SMYD4: variants seen among roughly 807,000 people sequenced by gnomAD.
SMYD4 encodes the protein SET and MYND domain containing 4.
SMYD4 carries 68 observed loss-of-function variants against 72.8 expected under a neutral mutation model. The ratio of observed to expected loss-of-function variants is 0.93; its 90% CI spans 0.77 to 1.14. SMYD4 has a LOEUF of 1.14. SMYD4 is among the 50% of genes most tolerant of loss of function. The pLI is 0.00. For synonymous variants in SMYD4, 407 were observed against 388.6 expected, an observed-to-expected ratio of 1.05 and a Z score of -0.56; for missense variants, 984 against 1,003.7, an observed-to-expected ratio of 0.98 and a Z score of 0.27.
chr17:1,781,628 G>T (rs1908369436), intron 10 of SMYD4, 189 bp from the exon 11 acceptor site: 1 of 507,684 alleles, frequency 2.0e-6, no homozygotes, highest in Non-Finnish European at 3.2e-6. Context: ...AGTTATAAAA[G>T]ATAGTATAGA....
At position 1,821,255 on chromosome 17, in the gene SMYD4, C is replaced by G. The variant is rs149475020; in HGVS notation, c.134+6606G>C. 9.4e-3 allele frequency among the ~76,000 whole-genome samples: 1,429 copies of G among 152,308 alleles called. 82 individuals carry two copies. Among genetic ancestry groups the G allele is most frequent in the Admixed American group, 0.083 (1,264 of 15,290 alleles). Reference sequence around the variant, plus strand: ...ATAGGCCGGGCAAGGGGGTTCACGCCTGTCATCCCAGCACTTTGGGAGGCC... The same window carrying G: ...ATAGGCCGGGCAAGGGGGTTCACGCGTGTCATCCCAGCACTTTGGGAGGCC... On this transcript the variant is annotated intron_variant, in intron 2 of 10. Coordinates refer to ENST00000305513, the MANE Select transcript of SMYD4 (RefSeq NM_052928.3).
chr17:1,800,581 T>C lies in SMYD4; in HGVS notation c.813A>G (p.Pro271=), dbSNP rs752116046. The C allele has an allele frequency of 6.2e-7, 1 of 1,614,140 alleles. No homozygotes were observed. The highest frequency in any genetic ancestry group is 1.1e-5 in the South Asian group (1 of 91,084). The change falls in exon 5 of 11, where the codon CCA becomes CCG. Residue 271 remains proline (P), a synonymous_variant. Coordinates refer to ENST00000305513, the MANE Select transcript of SMYD4 (RefSeq NM_052928.3). ...CGTGATGCGGTGGTGGCAGTTCTCC[T>C]GGGTTGAGAACACTCACAAAAGCAT... The part of the protein sequence containing the change: ...QEDAFVSVLN[P]GELPPPHHGL...
chr17:1,781,675 C>CTTT (rs887814604), intron 10 of SMYD4: 15 of 184,350 alleles, frequency 8.1e-5, no homozygotes, highest in African/African-American at 1.8e-4. Flanking sequence ...AATCTCAAAG[C>CTTT]TTTTTTTTTT....
At chr17:1,823,464 C>A (rs115856819) in intron 2 of SMYD4, among the ~76,000 whole-genome samples, 1,675 of 146,162 alleles carry the variant, frequency 0.011, 37 homozygotes, top group African/African-American at 0.039. Context: ...GAAATGCACA[C>A]AAAATACCCA....
chr17:1,800,334 A>G lies in SMYD4; in HGVS notation c.1060T>C (p.Leu354=). 1 of 1,614,074 alleles carries G rather than the reference A, an allele frequency of 6.2e-7. No homozygotes were observed. Among genetic ancestry groups the G allele is most frequent in the Middle Eastern group, 1.6e-4 (1 of 6,062 alleles). Residue 354 remains leucine, a synonymous_variant, in exon 5 of 11, where the codon TTG becomes CTG. Transcript: ENST00000305513. ...LGVFCHIALR[L]TLLVGFEDVR... ...TCCTCAAATCCCACCAAAAGAGTCA[A>G]CCTCAGGGCAATGTGGCAAAAGACA... is the stretch of plus-strand genomic sequence containing the variant.
chr17:1,793,361 T>C (rs188918439), intron 5 of SMYD4, among the ~76,000 whole-genome samples: 26 of 152,288 alleles, frequency 1.7e-4, no homozygotes, highest in African/African-American at 5.8e-4. Context: ...TTGTTCACAA[T>C]TCTGTACCCC....
Position 1,816,663 on chromosome 17 carries a change from G to T in SMYD4, c.135-4548C>A, listed in dbSNP as rs183989426. ...TTTTTAAGAGATGGAGTCTCCCTTTGTCGCCCAGGCTGGAGGGCAGTAGCT... is the reference window on the plus strand; with the variant it reads ...TTTTTAAGAGATGGAGTCTCCCTTTTTCGCCCAGGCTGGAGGGCAGTAGCT... On this transcript the variant is annotated intron_variant, in intron 2 of 10. Coordinates refer to ENST00000305513, the MANE Select transcript of SMYD4 (RefSeq NM_052928.3). Among the ~76,000 whole-genome samples the T allele has an allele frequency of 2.3e-4, 35 of 151,308 alleles. No individual in the cohort carries two copies. In the East Asian group the frequency reaches 6.5e-3, roughly 28 times the overall value.
At chr17:1,801,735 A>G (rs891220566) in intron 4 of SMYD4, among the ~76,000 whole-genome samples, 7 of 149,572 alleles carry the variant, frequency 4.7e-5, no homozygotes, top group African/African-American at 1.5e-4. Context: ...CCAGCACTTT[A>G]GGAGGCCGAG....
At position 1,826,357 on chromosome 17, in the gene SMYD4, T is replaced by A. The variant is rs1911167886; in HGVS notation, c.134+1504A>T. ...AAAATACAAAATTAGCCGGGTATGG[T>A]GGAATGCGCCTGCAATCCCAGCTAC... On this transcript the variant is annotated intron_variant, in intron 2 of 10. Transcript: ENST00000305513. Among the ~76,000 whole-genome samples the A allele has an allele frequency of 4.6e-5, 7 of 151,678 alleles. No individual in the cohort carries two copies. In the South Asian group the frequency reaches 1.5e-3, roughly 32 times the overall value.
intron 4 of SMYD4, among the ~76,000 whole-genome samples, chr17:1,802,671 T>C (rs1909829643): frequency 6.6e-6 from 1 of 152,206 alleles, no homozygotes; most frequent in African/African-American, 2.4e-5. Context: ...GCAGTAAGTG[T>C]GGACTTCTTA....
At chr17:1,799,789 G>A in intron 5 of SMYD4, 68 bp downstream of exon 5, 1 of 1,424,842 alleles carries the variant, frequency 7.0e-7, no homozygotes, top group Non-Finnish European at 9.3e-7. Flanking sequence ...CTTTGGAATT[G>A]TTTCTTCTCA....
chr17:1,804,830 G>A, intron 3 of SMYD4, 115 bp from the exon 4 acceptor site: 1 of 969,672 alleles, frequency 1.0e-6, no homozygotes, highest in South Asian at 1.5e-5. Flanking sequence ...GAAAGTTACT[G>A]AACCTCTTTG....
rs1032841061 is a variant in SMYD4, at chr17:1,779,660, C to T, written c.*1626G>A. ...AACTGGCAGGAAACACACTGACAGCCGTCATCCCTGGAGGAAACTGCTCAA... is the reference window on the plus strand; with the variant it reads ...AACTGGCAGGAAACACACTGACAGCTGTCATCCCTGGAGGAAACTGCTCAA... On this transcript the variant is annotated 3_prime_UTR_variant, in exon 11 of 11. Transcript: ENST00000305513. 2.0e-5 allele frequency: 3 copies of T among 152,212 alleles called. No individual in the cohort carries two copies. Among genetic ancestry groups the T allele is most frequent in the African/African-American group, 4.8e-5 (2 of 41,446 alleles). The allele number at this position is 152,212 out of a possible 1,614,324, so 9.4% of individuals were successfully genotyped here. A position where few individuals can be genotyped will look rare whatever the true frequency, so the allele number is the denominator to read the frequency against.
chr17:1,807,471 C>T (rs936963540), intron 3 of SMYD4, among the ~76,000 whole-genome samples: 1 of 152,064 alleles, frequency 6.6e-6, no homozygotes, highest in African/African-American at 2.4e-5. Context: ...AGCGATTCTC[C>T]TGTCTCAGCC....
chr17:1,819,032 C>T (rs1452690447), intron 2 of SMYD4, among the ~76,000 whole-genome samples: 1 of 151,904 alleles, frequency 6.6e-6, no homozygotes, highest in African/African-American at 2.4e-5. Flanking sequence ...TTCATTGTTT[C>T]CTCATGGTTA....
Position 1,784,337 on chromosome 17 carries a change from T to A in SMYD4, c.2009A>T (p.Asp670Val), listed in dbSNP as rs149355997. 37 of 1,614,082 alleles carry A rather than the reference T, an allele frequency of 2.3e-5. No individual in the cohort carries two copies. The highest frequency in any genetic ancestry group is 2.7e-5 in the Non-Finnish European group (32 of 1,180,044). ...GGAGCCAGTCTCACCTAGTTCACCA[T>A]CTCTGAGAAGCTTCTGGGCCACTCT... is the stretch of plus-strand genomic sequence containing the variant. Reference protein sequence around the residue: ...QVRVAQKLLRDGELERAVQRL... With the variant: ...QVRVAQKLLRVGELERAVQRL... Residue 670 changes from aspartate to valine, a missense_variant, in exon 8 of 11, where the codon GAT becomes GTT. Physicochemically the swap from Asp to Val is radical, Grantham distance 152. Coordinates refer to ENST00000305513, the MANE Select transcript of SMYD4 (RefSeq NM_052928.3).
intron 1 of SMYD4, among the ~76,000 whole-genome samples, chr17:1,828,311 A>G (rs1259019977): frequency 1.3e-5 from 2 of 150,754 alleles, no homozygotes; most frequent in Non-Finnish European, 3.0e-5. Context: ...AGATCACGCC[A>G]TTGCACTCCA....
At chr17:1,792,925 T>C (rs1909139172) in intron 5 of SMYD4, among the ~76,000 whole-genome samples, 1 of 141,470 alleles carries the variant, frequency 7.1e-6, no homozygotes, top group Non-Finnish European at 1.6e-5. Context: ...ATTATGCATG[T>C]TTTTATTTTT....
At chr17:1,785,082 C>T (rs1277523028) in intron 7 of SMYD4, among the ~76,000 whole-genome samples, 5 of 149,464 alleles carry the variant, frequency 3.3e-5, no homozygotes, top group Non-Finnish European at 7.4e-5. Context: ...CCACCGTGCC[C>T]GGCCTTGATG....
Sources: gnomAD v4.1 joint callset for allele counts (sites outside exome capture counted in the v4.1 genomes callset) on GRCh38, gnomAD v4.1.1 for gene constraint, MANE v1.5 for transcripts, NCBI Gene and HGNC (gene_info 2026-07-23, HGNC 2026-07-21) for gene names.